The following PCDHGA8 variants were observed in gnomAD, a reference collection of about 807,000 sequenced individuals.
PCDHGA8 encodes the protein protocadherin gamma-A8.
PCDHGA8 carries 45 observed loss-of-function variants against 59.2 expected under a neutral mutation model. The observed-to-expected ratio is 0.76, with a 90% CI of 0.60 to 0.98. PCDHGA8 has a LOEUF of 0.98. PCDHGA8 is among the 50% of genes least tolerant of loss of function. PCDHGA8 has a pLI of 0.00. For missense variants in PCDHGA8, 1,257 were observed against 1,196.2 expected, an observed-to-expected ratio of 1.05 and a Z score of -0.75; for synonymous variants, 531 against 519.0, an observed-to-expected ratio of 1.02 and a Z score of -0.32.
intron 1 of PCDHGA8, among the ~76,000 whole-genome samples, chr5:141,405,955 C>T (rs116457023): frequency 0.015 from 2,244 of 152,168 alleles, 22 homozygotes; most frequent in Admixed American, 0.035. Flanking sequence ...TAATAATTAA[C>T]CTGCTGTCAA....
chr5:141,478,839 T>G, intron 1 of PCDHGA8: 6 of 1,423,322 alleles, frequency 4.2e-6, no homozygotes, highest in Non-Finnish European at 5.5e-6. Flanking sequence ...AAGGGATGGT[T>G]AAGCTAAAAC....
At chr5:141,398,486 A>G (rs892086829) in intron 1 of PCDHGA8, 17 of 1,608,942 alleles carry the variant, frequency 1.1e-5, no homozygotes, top group Non-Finnish European at 1.4e-5. Flanking sequence ...TATCACGTGA[A>G]TGTGGAGATC....
rs2099748976 is a variant in PCDHGA8, at chr5:141,493,566, C to G, written c.2425-1241C>G. Among the ~76,000 whole-genome samples, 1 of 152,168 alleles carries G rather than the reference C, an allele frequency of 6.6e-6. No individual in the cohort carries two copies. Among genetic ancestry groups the G allele is most frequent in the African/African-American group, 2.4e-5 (1 of 41,436 alleles). ...TTTTGGAGATTGAGTTCCCCCAGCT[C>G]CGTTTCCTCCTATCACAATCACTGC... is the stretch of plus-strand genomic sequence containing the variant. On this transcript the variant is annotated intron_variant, in intron 1 of 3. Transcript: ENST00000398604. The surrounding 1 kb of genome is among the most constrained non-coding windows in gnomAD (Gnocchi z 4.3).
chr5:141,415,507 A>G, intron 1 of PCDHGA8: 1 of 1,614,156 alleles, frequency 6.2e-7, no homozygotes, highest in Admixed American at 1.7e-5. Context: ...CCCCCAGCCC[A>G]ATTATGCGGA....
At chr5:141,463,438 CTTTTTTTTTTTTT>C (rs71576115) in intron 1 of PCDHGA8, among the ~76,000 whole-genome samples, 4 of 103,254 alleles carry the variant, frequency 3.9e-5, no homozygotes, top group South Asian at 3.2e-4. Flanking sequence ...TTTCCTTCTC[CTTTTTTTTTTTTT>C]TTTTTTTTTT....
chr5:141,502,027 C>T (rs547850211), intron 2 of PCDHGA8, among the ~76,000 whole-genome samples: 6 of 152,274 alleles, frequency 3.9e-5, no homozygotes, highest in African/African-American at 9.6e-5. Flanking sequence ...CTGCAACCCC[C>T]GCCGCTTGCC....
intron 1 of PCDHGA8, chr5:141,475,902 C>A (rs1296545944): frequency 1.7e-6 from 1 of 576,594 alleles, no homozygotes; most frequent in Non-Finnish European, 3.0e-6. Context: ...GTGCCGCTGT[C>A]GGCCAATGAA....
intron 1 of PCDHGA8, among the ~76,000 whole-genome samples, chr5:141,455,439 C>T (rs966470257): frequency 1.3e-5 from 2 of 152,126 alleles, no homozygotes; most frequent in East Asian, 1.9e-4. Context: ...AGGAGGTCCC[C>T]ATCTACCGCG....
intron 1 of PCDHGA8, chr5:141,407,930 C>G: frequency 2.0e-6 from 1 of 498,998 alleles, no homozygotes. Context: ...CGCACGGAGC[C>G]TCTGGGCGCC....
At chr5:141,416,722 A>C (rs891558095) in intron 1 of PCDHGA8, 3 of 152,258 alleles carry the variant, frequency 2.0e-5, no homozygotes, top group African/African-American at 7.2e-5. Context: ...TGATGAGTTC[A>C]TTTAGTTCAA....
chr5:141,491,580 G>A lies in PCDHGA8; in HGVS notation c.2425-3227G>A. 6.2e-7 allele frequency: 1 copy of A among 1,613,942 alleles called. No individual in the cohort carries two copies. Among genetic ancestry groups the A allele is most frequent in the Non-Finnish European group, 8.5e-7 (1 of 1,180,044 alleles). ...ACTGCTACAGGACGTGCTTTTCACC[G>A]GCCTCGGACGGCAGTGACTTCACTT... is the stretch of plus-strand genomic sequence containing the variant. On this transcript the variant is annotated intron_variant, in intron 1 of 3. Coordinates refer to ENST00000398604, the MANE Select transcript of PCDHGA8 (RefSeq NM_032088.2). The surrounding 1 kb of genome is among the most constrained non-coding windows in gnomAD (Gnocchi z 6.9).
chr5:141,441,750 A>C, intron 1 of PCDHGA8: 1 of 374,962 alleles, frequency 2.7e-6, no homozygotes, highest in South Asian at 2.1e-5. Context: ...GCTCGGCGTC[A>C]ACGTGAGCCT....
chr5:141,481,895 A>G (rs1285005477), intron 1 of PCDHGA8, among the ~76,000 whole-genome samples: 2 of 147,522 alleles, frequency 1.4e-5, no homozygotes, highest in Non-Finnish European at 3.0e-5. Context: ...GCCTGGGTGA[A>G]AGAGCGAAAC....
intron 2 of PCDHGA8, among the ~76,000 whole-genome samples, chr5:141,503,324 C>T (rs1389385473): frequency 7.9e-5 from 12 of 152,014 alleles, no homozygotes; most frequent in South Asian, 2.1e-4. Context: ...TGGAGGGGCG[C>T]GGTGGCTCAC....
rs911461762 is a variant in PCDHGA8 at position 141,512,938 on chromosome 5, T to C, written c.*1765T>C. The stretch of plus-strand genomic sequence containing the variant: ...ACTCTAATATTTATATGGCTTTTTT[T>C]CTTCGACAAAAAAATAATAAAACGT... On this transcript the variant is annotated 3_prime_UTR_variant, in exon 4 of 4. Coordinates refer to ENST00000398604, the MANE Select transcript of PCDHGA8 (RefSeq NM_032088.2). 6.6e-6 allele frequency: 1 copy of C among 151,928 alleles called. No homozygotes were observed. Among genetic ancestry groups the C allele is most frequent in the Non-Finnish European group, 1.5e-5 (1 of 67,934 alleles). The allele number at this position is 151,928 out of a possible 1,614,324, so 9.4% of individuals were successfully genotyped here.
In PCDHGA8 at chr5:141,395,051, A is replaced by G; in HGVS notation, c.2238A>G (p.Val746=). The change falls in exon 1 of 4, where the codon GTA becomes GTG. Residue 746 remains valine (V), a synonymous_variant. Transcript: ENST00000398604. ...PASHFVGVEE[V]QAFLQTYSQE... ...CACATTTTGTGGGTGTTGAGGAGGT[A>G]CAGGCTTTCCTGCAGACCTATTCCC... 6.2e-7 allele frequency: 1 copy of G among 1,614,178 alleles called. No individual in the cohort carries two copies. The highest frequency in any genetic ancestry group is 8.5e-7 in the Non-Finnish European group (1 of 1,180,026).
chr5:141,473,079 A>G (rs1389177835), intron 1 of PCDHGA8, among the ~76,000 whole-genome samples: 2 of 152,086 alleles, frequency 1.3e-5, no homozygotes, highest in African/African-American at 4.8e-5. Flanking sequence ...ATCTTTGTTT[A>G]TTATCCACTG....
intron 1 of PCDHGA8, among the ~76,000 whole-genome samples, chr5:141,479,129 C>T (rs2099488562): frequency 6.6e-6 from 1 of 152,154 alleles, no homozygotes; most frequent in South Asian, 2.1e-4. Context: ...AAATGATGTG[C>T]ACCCTGCTTA....
rs1440733700 is a variant in PCDHGA8 at position 141,441,803 on chromosome 5, G to A, written c.2424+46566G>A. 249 of 383,164 alleles carry A rather than the reference G, an allele frequency of 6.5e-4. 2 individuals carry two copies. Among genetic ancestry groups the A allele is most frequent in the African/African-American group, 4.8e-3 (220 of 45,902 alleles). The allele number at this position is 383,164 out of a possible 1,614,324, so 23.7% of individuals were successfully genotyped here. The stretch of plus-strand genomic sequence containing the variant: ...ACCTGAATGACAACGCACCGCGGGT[G>A]CTGTACCCCAGCTCTGGAGCGCAAT... On this transcript the variant is annotated intron_variant, in intron 1 of 3. Coordinates refer to ENST00000398604, the MANE Select transcript of PCDHGA8 (RefSeq NM_032088.2).
Sources: allele counts gnomAD v4.1 joint callset (sites outside exome capture counted in the v4.1 genomes callset), GRCh38; gene constraint gnomAD v4.1.1; non-coding constraint Gnocchi (gnomAD v3.1); transcripts MANE v1.5; gene names NCBI Gene and HGNC (gene_info 2026-07-23, HGNC 2026-07-21).